Variants in TMEM68 observed in about 807,000 individuals in gnomAD.
TMEM68 encodes the protein transmembrane protein 68.
In TMEM68, 25 loss-of-function variants were observed where a neutral mutation model predicts 36.9. That is an observed-to-expected ratio of 0.68 (90% CI 0.49 to 0.95). The LOEUF (loss-of-function observed/expected upper bound fraction) is 0.95, where lower values mean the gene tolerates loss of function less well. TMEM68 is among the 40% of genes least tolerant of loss of function. TMEM68 has a pLI of 0.00. For missense variants in TMEM68, 333 were observed against 392.0 expected (o/e 0.85, Z 1.27); for synonymous variants, 131 against 124.4 (o/e 1.05, Z -0.35).
chr8:55,754,444 A>AATATATATATATATATATATATATATAT (rs769626273), intron 4 of TMEM68, among the ~76,000 whole-genome samples: 3 of 101,134 alleles, frequency 3.0e-5, no homozygotes, highest in African/African-American at 1.2e-4. Flanking sequence ...CTCTGTCTCG[A>AATATATATATATATATATATATATATAT]ATATATATAT....
intron 5 of TMEM68, among the ~76,000 whole-genome samples, chr8:55,749,744 T>C (rs771531152): frequency 2.6e-5 from 4 of 152,198 alleles, no homozygotes; most frequent in Non-Finnish European, 4.4e-5. Context: ...AGATAAAGTG[T>C]TTAAAAGTGC....
intron 4 of TMEM68, among the ~76,000 whole-genome samples, chr8:55,754,647 TTTATA>T (rs1279296422): frequency 7.8e-6 from 1 of 128,698 alleles, no homozygotes; most frequent in Non-Finnish European, 1.6e-5. Context: ...ATAATATATA[TTTATA>T]TTATATATAA....
In TMEM68 at chr8:55,756,367, C is replaced by T. The variant is rs1245755585; in HGVS notation, c.370G>A (p.Ala124Thr). 1 of 1,593,340 alleles carries T rather than the reference C, an allele frequency of 6.3e-7. No individual in the cohort carries two copies. The highest frequency in any genetic ancestry group is 1.8e-5 in the Admixed American group (1 of 54,928). Residue 124 changes from alanine to threonine, a missense_variant, in exon 4 of 8, where the codon GCA (alanine) becomes ACA (threonine). By Grantham distance (58) the Ala-to-Thr change is moderately conservative (BLOSUM62 0). Transcript: ENST00000434581. ...GMEKIPEDGPALIIFYHGAIP... is the reference protein window; with the variant it reads ...GMEKIPEDGPTLIIFYHGAIP... ...GCTCCATGATAAAAAATTATAAGTG[C>T]TGGTCCATCTTCTGGTATTTTTTCC...
At chr8:55,760,875 A>T (rs1810769847) in intron 3 of TMEM68, 1 of 152,210 alleles carries the variant, frequency 6.6e-6, no homozygotes, top group Admixed American at 6.5e-5. Flanking sequence ...AATTCAATTT[A>T]CTTTAAGCTC....
intron 3 of TMEM68, among the ~76,000 whole-genome samples, chr8:55,759,342 G>A (rs963271204): frequency 2.5e-4 from 38 of 151,944 alleles, no homozygotes; most frequent in Non-Finnish European, 4.0e-4. Flanking sequence ...AGGGTGAGGC[G>A]GGAGGATCAC....
intron 5 of TMEM68, among the ~76,000 whole-genome samples, chr8:55,748,655 G>T (rs1050131650): frequency 2.0e-5 from 3 of 152,048 alleles, no homozygotes; most frequent in Non-Finnish European, 4.4e-5. Flanking sequence ...CGCCCAAGCT[G>T]GAACACAATG....
At chr8:55,762,349 A>C (rs1443655243) in intron 3 of TMEM68, 1 of 399,996 alleles carries the variant, frequency 2.5e-6, no homozygotes, top group Non-Finnish European at 4.3e-6. Context: ...AGCTTTATTT[A>C]GTCTCTTACT....
chr8:55,753,807 G>T (rs1810487704), intron 4 of TMEM68, among the ~76,000 whole-genome samples: 1 of 152,062 alleles, frequency 6.6e-6, no homozygotes, highest in Non-Finnish European at 1.5e-5. Context: ...AAAATATAAG[G>T]TCGGCTAGAC....
chr8:55,740,976 G>A (rs547489935), intron 7 of TMEM68, among the ~76,000 whole-genome samples: 9 of 152,266 alleles, frequency 5.9e-5, no homozygotes, highest in African/African-American at 2.2e-4. Context: ...GCTCACACCT[G>A]TAATCCCAGC....
At chr8:55,742,143 T>C (rs924297244) in intron 7 of TMEM68, among the ~76,000 whole-genome samples, 1 of 152,060 alleles carries the variant, frequency 6.6e-6, no homozygotes, top group African/African-American at 2.4e-5. Flanking sequence ...AATAAGTCAA[T>C]GACAAAAAGA....
chr8:55,747,916 A>G (rs1170464833), intron 5 of TMEM68: 1 of 152,120 alleles, frequency 6.6e-6, no homozygotes, highest in Non-Finnish European at 1.5e-5. Context: ...ATATCTACTG[A>G]CTGGCATGAT....
At chr8:55,769,270 C>T (rs1044469004) in intron 1 of TMEM68, among the ~76,000 whole-genome samples, 12 of 122,924 alleles carry the variant, frequency 9.8e-5, no homozygotes, top group African/African-American at 1.8e-4. Flanking sequence ...TTATATAAGC[C>T]GAGATTCTGA....
At chr8:55,750,124 G>A (rs1220820147) in intron 5 of TMEM68, among the ~76,000 whole-genome samples, 1 of 151,950 alleles carries the variant, frequency 6.6e-6, no homozygotes, top group Non-Finnish European at 1.5e-5. Context: ...TCTTTGATTA[G>A]GATTTTAGTT....
chr8:55,753,373 G>GT (rs1810476306), intron 4 of TMEM68, among the ~76,000 whole-genome samples: 5 of 151,944 alleles, frequency 3.3e-5, no homozygotes, highest in Admixed American at 2.6e-4. Context: ...CTATGTTACT[G>GT]TAAGTAAAAA....
At chr8:55,761,820 G>A (rs923628263) in intron 3 of TMEM68, 1 of 152,190 alleles carries the variant, frequency 6.6e-6, no homozygotes, top group African/African-American at 2.4e-5. Context: ...GTCTTTTAAA[G>A]TCTGTGCTTC....
At chr8:55,763,365 T>A (rs1353224389) in intron 2 of TMEM68, 1 of 154,768 alleles carries the variant, frequency 6.5e-6, no homozygotes, top group Non-Finnish European at 1.4e-5. Flanking sequence ...AAAAATTAGA[T>A]CTTAAACCAG....
intron 1 of TMEM68, among the ~76,000 whole-genome samples, chr8:55,769,851 TG>T (rs1811097410): frequency 6.6e-6 from 1 of 152,212 alleles, no homozygotes; most frequent in Non-Finnish European, 1.5e-5. Flanking sequence ...CAGGCTTGTC[TG>T]GAACTCCTGG....
chr8:55,743,739 C>G, intron 6 of TMEM68, 119 bp from the exon 7 acceptor site: 3 of 799,164 alleles, frequency 3.8e-6, no homozygotes, highest in Non-Finnish European at 5.5e-6. Flanking sequence ...CACTTCTTGG[C>G]AATTAATACA....
At chr8:55,748,216 A>C (rs1585710713) in intron 5 of TMEM68, 1 of 152,206 alleles carries the variant, frequency 6.6e-6, no homozygotes, top group South Asian at 2.1e-4. Flanking sequence ...TCCAGGCTGG[A>C]GTGCAGTGGC....
Sources: allele counts gnomAD v4.1 joint callset (sites outside exome capture counted in the v4.1 genomes callset), GRCh38; gene constraint gnomAD v4.1.1; transcripts MANE v1.5; gene names NCBI Gene and HGNC (gene_info 2026-07-23, HGNC 2026-07-21).